Variants in PRKDC observed in about 807,000 individuals in gnomAD.
PRKDC encodes DNA-dependent protein kinase catalytic subunit.
PRKDC carries 82 observed loss-of-function variants against 486.9 expected under a neutral mutation model. The observed-to-expected ratio is 0.17, with a 90% CI of 0.14 to 0.20. PRKDC has a LOEUF of 0.20. PRKDC is among the 10% of genes least tolerant of loss of function. PRKDC has a pLI of 1.00. For missense variants in PRKDC, 4,504 were observed against 5,038.2 expected (o/e 0.89, Z 3.21); for synonymous variants, 1,895 against 1,837.0 (o/e 1.03, Z -0.81).
intron 73 of PRKDC, among the ~76,000 whole-genome samples, chr8:47,797,244 A>T (rs955420609): frequency 4.6e-5 from 7 of 152,202 alleles, no homozygotes; most frequent in Admixed American, 3.9e-4. Flanking sequence ...TGAATACTTC[A>T]TGTCCTCACA....
At chr8:47,807,693 C>T (rs752809035) in intron 68 of PRKDC, among the ~76,000 whole-genome samples, 43 of 150,578 alleles carry the variant, frequency 2.9e-4, no homozygotes, top group Non-Finnish European at 5.6e-4. Flanking sequence ...GCTAGGATTA[C>T]AGGCGTGAGC....
At chr8:47,853,150 G>A (rs905133754) in intron 51 of PRKDC, among the ~76,000 whole-genome samples, 1 of 152,210 alleles carries the variant, frequency 6.6e-6, no homozygotes, top group Non-Finnish European at 1.5e-5. Flanking sequence ...ACAATAAAAT[G>A]AGAAAGAGCA....
intron 67 of PRKDC, among the ~76,000 whole-genome samples, chr8:47,818,387 G>A (rs944289915): frequency 1.8e-4 from 28 of 151,934 alleles, no homozygotes; most frequent in Non-Finnish European, 3.2e-4. Context: ...AGACCATCCT[G>A]GCTAACATGG....
Position 47,898,564 on chromosome 8 carries a change from T to C in PRKDC, c.3370A>G (p.Ile1124Val). 2 of 1,456,192 alleles carry C rather than the reference T, an allele frequency of 1.4e-6. No individual in the cohort carries two copies. Among genetic ancestry groups the C allele is most frequent in the Non-Finnish European group, 1.8e-6 (2 of 1,082,306 alleles). The allele number at this position is 1,456,192 out of a possible 1,614,324, so 90.2% of individuals were successfully genotyped here. Residue 1124 changes from isoleucine to valine, a missense_variant, in exon 29 of 86, where the codon ATT becomes GTT. Transcript: ENST00000314191. ...AHADEKSLGT[I>V]QQCCDAIDHL... ...TCAATGGCATCACAACACTGTTGAA[T>C]TGTACCTGTTCTCAAGTACAGAGAC...
At position 47,881,983 on chromosome 8, in the gene PRKDC, A is replaced by G. The variant is rs1293205716; in HGVS notation, c.4891T>C (p.Ser1631Pro). The change falls in exon 37 of 86, where the codon TCA becomes CCA. Residue 1631 changes from serine to proline, a missense_variant. By Grantham distance (74) the Ser-to-Pro change is moderately conservative. This residue lies in a region of PRKDC where 1,969 missense variants were observed against 2,068.9 expected (regional missense o/e 0.95). Coordinates refer to ENST00000314191, the MANE Select transcript of PRKDC (RefSeq NM_006904.7). ...AGAGGGGAATCTTTGGCCCACCATGAATCACACTTCTTCCAGTGTTGCAGA... is the reference window on the plus strand; with the variant it reads ...AGAGGGGAATCTTTGGCCCACCATGGATCACACTTCTTCCAGTGTTGCAGA... ...TILQHWKKCDSWWAKDSPLET... is the reference protein window; with the variant it reads ...TILQHWKKCDPWWAKDSPLET... 1.9e-6 allele frequency: 3 copies of G among 1,613,988 alleles called. No homozygotes were observed. The highest frequency in any genetic ancestry group is 2.5e-6 in the Non-Finnish European group (3 of 1,179,886).
chr8:47,813,502 T>C (rs965702110), intron 68 of PRKDC, among the ~76,000 whole-genome samples: 3 of 152,154 alleles, frequency 2.0e-5, no homozygotes, highest in African/African-American at 7.2e-5. Flanking sequence ...GGAAAACCCA[T>C]GCCCAAATAG....
chr8:47,802,515 T>C (rs2087129676), intron 70 of PRKDC, among the ~76,000 whole-genome samples: 1 of 149,334 alleles, frequency 6.7e-6, no homozygotes, highest in Non-Finnish European at 1.5e-5. Context: ...GGAGTTTTGC[T>C]GTTGTCATCC....
intron 26 of PRKDC, 87 bp from the exon 27 acceptor site, chr8:47,902,882 A>G (rs1322280390): frequency 2.1e-6 from 2 of 968,318 alleles, no homozygotes; most frequent in Admixed American, 3.4e-5. Context: ...GAGCATAACT[A>G]AAGTATGTTA....
At chr8:47,854,693 TTC>T (rs2088493406) in intron 50 of PRKDC, among the ~76,000 whole-genome samples, 1 of 152,224 alleles carries the variant, frequency 6.6e-6, no homozygotes. Context: ...TTTTCTTTAT[TTC>T]TGTTTCTTCC....
At chr8:47,788,720 C>T (rs537414850) in intron 76 of PRKDC, among the ~76,000 whole-genome samples, 186 bp downstream of exon 76, 3 of 152,300 alleles carry the variant, frequency 2.0e-5, no homozygotes, top group African/African-American at 7.2e-5. Context: ...CTGCTACCAG[C>T]CGACCTAAAA....
At chr8:47,921,737 T>A (rs534133094) in intron 21 of PRKDC, among the ~76,000 whole-genome samples, 1 of 152,326 alleles carries the variant, frequency 6.6e-6, no homozygotes, top group Non-Finnish European at 1.5e-5. Flanking sequence ...AACAAGTGGT[T>A]GTGTGGCTAT....
intron 74 of PRKDC, among the ~76,000 whole-genome samples, chr8:47,792,594 A>T (rs1479311348): frequency 2.1e-4 from 32 of 152,162 alleles, no homozygotes; most frequent in African/African-American, 5.8e-4. Context: ...TTTAAAAATA[A>T]CTAAAAGAGT....
intron 51 of PRKDC, 64 bp downstream of exon 51, chr8:47,854,019 T>A: frequency 1.3e-6 from 2 of 1,579,112 alleles, no homozygotes; most frequent in Non-Finnish European, 1.7e-6. Context: ...AACTGCACCA[T>A]ACTGAAGTCT....
At chr8:47,941,684 G>A (rs1467610684) in intron 10 of PRKDC, among the ~76,000 whole-genome samples, 1 of 152,188 alleles carries the variant, frequency 6.6e-6, no homozygotes, top group Non-Finnish European at 1.5e-5. Context: ...ATAAACCATA[G>A]ATGTGAGTAT....
chr8:47,897,649 A>G (rs554131471), intron 29 of PRKDC, among the ~76,000 whole-genome samples: 1 of 152,312 alleles, frequency 6.6e-6, no homozygotes, highest in East Asian at 1.9e-4. Context: ...TGCACTTGTT[A>G]TAAATCCAAA....
At chr8:47,781,520 G>C (rs2086698923) in intron 80 of PRKDC, among the ~76,000 whole-genome samples, 2 of 152,012 alleles carry the variant, frequency 1.3e-5, no homozygotes, top group Non-Finnish European at 2.9e-5. Context: ...TGTCAACTTT[G>C]GTTGTCAAAA....
At chr8:47,814,876 A>G (rs962527914) in intron 68 of PRKDC, among the ~76,000 whole-genome samples, 1 of 152,212 alleles carries the variant, frequency 6.6e-6, no homozygotes, top group South Asian at 2.1e-4. Context: ...TCATAAAGAA[A>G]GTTGAGCCAG....
At chr8:47,913,089 T>C (rs2154502800) in intron 24 of PRKDC, among the ~76,000 whole-genome samples, 1 of 152,366 alleles carries the variant, frequency 6.6e-6, no homozygotes, top group Middle Eastern at 3.4e-3. Context: ...AAAGTATGTA[T>C]ATAAAGTTCT....
chr8:47,884,891 G>C (rs929813215), intron 36 of PRKDC, among the ~76,000 whole-genome samples: 1 of 152,208 alleles, frequency 6.6e-6, no homozygotes, highest in Non-Finnish European at 1.5e-5. Context: ...GAACATGCCA[G>C]AAATGATAAC....
Sources: gnomAD v4.1 joint callset for allele counts (sites outside exome capture counted in the v4.1 genomes callset) on GRCh38, gnomAD v4.1.1 for gene constraint, gnomAD v4.1.1 regional missense constraint, MANE v1.5 for transcripts, NCBI Gene and HGNC (gene_info 2026-07-23, HGNC 2026-07-21) for gene names.